The following CCDC198 variants were observed in gnomAD, a reference collection of about 807,000 sequenced individuals.
CCDC198 encodes coiled-coil domain containing 198.
CCDC198 carries 18 observed loss-of-function variants against 35.6 expected under a neutral mutation model. That is an observed-to-expected ratio of 0.51 (90% CI 0.35 to 0.75). The LOEUF is 0.75. Among genes scored for constraint, CCDC198 ranks in the 30% least tolerant of loss-of-function variants. The probability of loss-of-function intolerance (pLI) is 0.01; values close to 1 mark genes in which losing one functional copy is unlikely to be tolerated. For missense variants in CCDC198, 365 were observed against 343.7 expected, an observed-to-expected ratio of 1.06 and a Z score of -0.49; for synonymous variants, 119 against 113.4, an observed-to-expected ratio of 1.05 and a Z score of -0.31.
intron 1 of CCDC198, among the ~76,000 whole-genome samples, chr14:57,491,476 GA>G (rs2067565531): frequency 6.6e-6 from 1 of 152,016 alleles, no homozygotes; most frequent in Non-Finnish European, 1.5e-5. Context: ...TTTAAAAAAT[GA>G]AAACAATCTT....
intron 2 of CCDC198, among the ~76,000 whole-genome samples, chr14:57,486,514 T>A (rs2067365009): frequency 6.6e-6 from 1 of 152,010 alleles, no homozygotes; most frequent in African/African-American, 2.4e-5. Context: ...CACTAGAGAT[T>A]GAGATTCAAC....
intron 2 of CCDC198, 158 bp from the exon 3 acceptor site, chr14:57,483,309 G>T: frequency 1.8e-6 from 2 of 1,092,376 alleles, no homozygotes; most frequent in Non-Finnish European, 2.6e-6. Flanking sequence ...AGTTATATTG[G>T]TACAAAGGGC....
intron 4 of CCDC198, 38 bp from the exon 5 acceptor site, chr14:57,480,792 C>T (rs1272147074): frequency 4.4e-6 from 7 of 1,608,230 alleles, no homozygotes; most frequent in Non-Finnish European, 6.0e-6. Context: ...ATGTTCTTCC[C>T]AAGCTACTTT....
At chr14:57,475,397 T>C in intron 5 of CCDC198, 1 of 1,046,808 alleles carries the variant, frequency 9.6e-7, no homozygotes, top group Non-Finnish European at 1.2e-6. Context: ...AAATAATGGA[T>C]TCAAAGTGAC....
Position 57,469,672 on chromosome 14 carries a change from T to C in CCDC198, c.*1683A>G, listed in dbSNP as rs2066782729. On this transcript the variant is annotated 3_prime_UTR_variant, in exon 6 of 6. Coordinates refer to ENST00000216445, the MANE Select transcript of CCDC198 (RefSeq NM_018168.4). ...CTTTCTTTTGGTGGAAATATGCTTC[T>C]TACCTACCACAGAAAAAGTAAGAAG... is the stretch of plus-strand genomic sequence containing the variant. The C allele has an allele frequency of 6.6e-6, 1 of 152,174 alleles. No homozygotes were observed. Among genetic ancestry groups the C allele is most frequent in the African/African-American group, 2.4e-5 (1 of 41,442 alleles). 9.4% of individuals were successfully genotyped at this position (152,174 alleles called of 1,614,324 possible).
chr14:57,492,875 C>T (rs926420294), intron 1 of CCDC198, among the ~76,000 whole-genome samples: 3 of 151,730 alleles, frequency 2.0e-5, no homozygotes, highest in Non-Finnish European at 2.9e-5. Flanking sequence ...ATAAAATATC[C>T]CAGGATTTAT....
At chr14:57,477,749 G>A (rs2067050787) in intron 5 of CCDC198, among the ~76,000 whole-genome samples, 1 of 152,150 alleles carries the variant, frequency 6.6e-6, no homozygotes, top group Non-Finnish European at 1.5e-5. Context: ...CCAGGTTGGA[G>A]TGCAGTGGCA....
In CCDC198 at chr14:57,469,957, G is replaced by A. The variant is rs1229262885; in HGVS notation, c.*1398C>T. Reference sequence around the variant, plus strand: ...CTTTAATAAATTCTTGGAAGATTCTGGATTGCTTGAAATTATTTTTAGATT... The same window carrying A: ...CTTTAATAAATTCTTGGAAGATTCTAGATTGCTTGAAATTATTTTTAGATT... On this transcript the variant is annotated 3_prime_UTR_variant, in exon 6 of 6. Transcript: ENST00000216445. 2 of 152,058 alleles carry A rather than the reference G, an allele frequency of 1.3e-5. No individual in the cohort carries two copies. Among genetic ancestry groups the A allele is most frequent in the African/African-American group, 4.8e-5 (2 of 41,396 alleles). 9.4% of individuals were successfully genotyped at this position (152,058 alleles called of 1,614,324 possible).
chr14:57,480,246 G>A (rs2067137502), intron 5 of CCDC198: 1 of 985,150 alleles, frequency 1.0e-6, no homozygotes, highest in Non-Finnish European at 1.2e-6. Flanking sequence ...TTTGCCATGT[G>A]ACTGCCGGCA....
chr14:57,489,744 G>T (rs1191281123), intron 2 of CCDC198, among the ~76,000 whole-genome samples: 1 of 152,034 alleles, frequency 6.6e-6, no homozygotes, highest in Non-Finnish European at 1.5e-5. Context: ...AAAAGTACTT[G>T]TGAGCTATAA....
chr14:57,475,383 A>G (rs889849777), intron 5 of CCDC198: 4 of 1,019,182 alleles, frequency 3.9e-6, no homozygotes, highest in Middle Eastern at 4.9e-4. Flanking sequence ...TGAAGCTGAC[A>G]TTAAAATAAT....
At chr14:57,483,202 T>C (rs745368962) in intron 2 of CCDC198, 51 bp from the exon 3 acceptor site, 1 of 1,613,258 alleles carries the variant, frequency 6.2e-7, no homozygotes, top group Admixed American at 1.7e-5. Flanking sequence ...CATGAGATGA[T>C]GAAACAGAAA....
Position 57,475,193 on chromosome 14 carries a change from G to A in CCDC198, c.656-3603C>T, listed in dbSNP as rs375070354. The A allele has an allele frequency of 3.3e-4, 90 of 276,618 alleles. 1 individual carries two copies. In the South Asian group the frequency reaches 8.5e-3, roughly 26 times the overall value. 17.1% of individuals were successfully genotyped at this position (276,618 alleles called of 1,614,324 possible). ...GGAGAGTGGCGTGAACCCGGGAGGC[G>A]GAGCTTGCAGTGTGCAGAGATTGTG... On this transcript the variant is annotated intron_variant, in intron 5 of 5. Coordinates refer to ENST00000216445, the MANE Select transcript of CCDC198 (RefSeq NM_018168.4).
rs1200866818 is a variant in CCDC198 at position 57,475,327 on chromosome 14, G to C, written c.656-3737C>G. 4.3e-6 allele frequency: 4 copies of C among 939,774 alleles called. No homozygotes were observed. In the East Asian group the frequency reaches 3.5e-4, roughly 82 times the overall value. The allele number at this position is 939,774 out of a possible 1,614,324, so 58.2% of individuals were successfully genotyped here. A position where few individuals can be genotyped will look rare whatever the true frequency, so the allele number is the denominator to read the frequency against. On this transcript the variant is annotated intron_variant, in intron 5 of 5. Coordinates refer to ENST00000216445, the MANE Select transcript of CCDC198 (RefSeq NM_018168.4). ...TCTATAAAAAAATAAAATAAAACAA[G>C]ATTCTTTATAGAAAGAGTGCAGGTG...
chr14:57,481,690 G>T, intron 3 of CCDC198, 30 bp from the exon 4 acceptor site: 1 of 1,406,490 alleles, frequency 7.1e-7, no homozygotes, highest in South Asian at 1.2e-5. Context: ...TGTTAGTATG[G>T]GGTAATTTGT....
Position 57,469,825 on chromosome 14 carries a change from T to C in CCDC198, c.*1530A>G, listed in dbSNP as rs1049942158. 1 of 152,232 alleles carries C rather than the reference T, an allele frequency of 6.6e-6. No individual in the cohort carries two copies. The highest frequency in any genetic ancestry group is 6.5e-5 in the Admixed American group (1 of 15,286). 9.4% of individuals were successfully genotyped at this position (152,232 alleles called of 1,614,324 possible). A position where few individuals can be genotyped will look rare whatever the true frequency, so the allele number is the denominator to read the frequency against. On this transcript the variant is annotated 3_prime_UTR_variant, in exon 6 of 6. Transcript: ENST00000216445. ...TTATCTTCTTAGTTTCTGATGTGAA[T>C]GCATTGAATGTCAAATTGAAGTGGT...
At chr14:57,482,852 A>AT (rs762328482) in intron 3 of CCDC198, among the ~76,000 whole-genome samples, 5 of 152,246 alleles carry the variant, frequency 3.3e-5, no homozygotes, top group Non-Finnish European at 7.3e-5. Flanking sequence ...TGCAGAGCTC[A>AT]TGCAAGAGGT....
rs764582185 is a variant in CCDC198, at chr14:57,481,543, C to G, written c.495+16G>C. 1 of 1,566,300 alleles carries G rather than the reference C, an allele frequency of 6.4e-7. No individual in the cohort carries two copies. The highest frequency in any genetic ancestry group is 1.1e-5 in the South Asian group (1 of 89,586). ...TGATGAAAATTTGGTAAATATGACA[C>G]TCTTCTCGTATTTACCTCTTGTCTT... On this transcript the variant is annotated intron_variant, in intron 4 of 5. Coordinates refer to ENST00000216445, the MANE Select transcript of CCDC198 (RefSeq NM_018168.4).
intron 2 of CCDC198, among the ~76,000 whole-genome samples, chr14:57,489,336 G>A (rs2067481132): frequency 6.6e-6 from 1 of 152,088 alleles, no homozygotes; most frequent in Non-Finnish European, 1.5e-5. Flanking sequence ...AGAACATATG[G>A]ACACAGGGAG....
Sources: allele counts gnomAD v4.1 joint callset (sites outside exome capture counted in the v4.1 genomes callset), GRCh38; gene constraint gnomAD v4.1.1; transcripts MANE v1.5; gene names NCBI Gene and HGNC (gene_info 2026-07-23, HGNC 2026-07-21).